The following TELO2 variants were observed in gnomAD, a reference collection of about 807,000 sequenced individuals.
The protein encoded by TELO2 is telomere maintenance 2, also known as telomere length regulation protein TEL2 homolog.
Under a neutral mutation model 91.0 loss-of-function variants are expected in TELO2, and 71 were observed. The observed-to-expected ratio is 0.78, with a 90% CI of 0.64 to 0.95. The LOEUF (loss-of-function observed/expected upper bound fraction) is 0.95. Ranked by LOEUF, TELO2 falls within the 40% of genes least tolerant of loss-of-function variation. The pLI, the probability that TELO2 is intolerant of heterozygous loss-of-function variation, is 0.00. For missense variants in TELO2, 1,183 were observed against 1,141.3 expected (o/e 1.04, Z -0.53); for synonymous variants, 584 against 518.9 (o/e 1.13, Z -1.71).
chr16:1,501,378 T>C (rs2039669724), intron 9 of TELO2, 42 bp from the exon 10 acceptor site: 2 of 1,592,668 alleles, frequency 1.3e-6, no homozygotes, highest in Non-Finnish European at 1.7e-6. Context: ...GGAGGGGCGC[T>C]GCAGCCTGGC....
rs2039391228 is a variant in TELO2, at chr16:1,494,013, TG to T, written c.-36-230del. On this transcript the variant is annotated intron_variant, in intron 1 of 20. Coordinates refer to ENST00000262319, the MANE Select transcript of TELO2 (RefSeq NM_016111.4). The surrounding 1 kb of genome is among the most constrained non-coding windows in gnomAD (Gnocchi z 5.6). ...GGTTGAGACAACTGAGAATGTTCCC[TG>T]GGCACAGTGGCCCGGGTTGAGAAGC... is the stretch of plus-strand genomic sequence containing the variant. Among the ~76,000 whole-genome samples the T allele has an allele frequency of 6.6e-6, 1 of 152,142 alleles. No homozygotes were observed.
chr16:1,501,496 C>T lies in TELO2; in HGVS notation c.1358C>T (p.Ala453Val), dbSNP rs774629694. The T allele has an allele frequency of 8.1e-6, 13 of 1,607,686 alleles. No homozygotes were observed. The Admixed American group carries it at 1.0e-4, about 12-fold the overall frequency. ...CCTGCGGGTGACGGCGCCTCGGAGG[C>T]GGGGTGAGGGTCTCTGCCCCCCGGG... ...PQPAGDGASE[A>V]GTSLVPATAE... is the part of the protein sequence containing the mutation. The change falls in exon 10 of 21, where the codon GCG becomes GTG. Residue 453 changes from alanine to valine, a missense_variant. Transcript: ENST00000262319.
In TELO2 at chr16:1,505,427, C is replaced by G; in HGVS notation, c.1860C>G (p.Ala620=). 1 of 1,611,346 alleles carries G rather than the reference C, an allele frequency of 6.2e-7. No individual in the cohort carries two copies. Among genetic ancestry groups the G allele is most frequent in the African/African-American group, 1.3e-5 (1 of 75,006 alleles). ...MDILDVLTLA[A]QELSRPGCLG... ...CCCTCCAGGTGCTGACTCTGGCTGCCCAGGAGCTGTCTAGGCCTGGGTGCC... is the reference window on the plus strand; with the variant it reads ...CCCTCCAGGTGCTGACTCTGGCTGCGCAGGAGCTGTCTAGGCCTGGGTGCC... Residue 620 remains alanine (A), a synonymous_variant, in exon 16 of 21, where the codon GCC becomes GCG. Coordinates refer to ENST00000262319, the MANE Select transcript of TELO2 (RefSeq NM_016111.4). This position sits in a 1 kb window ranked among gnomAD's most constrained non-coding sequence, Gnocchi z 4.3.
chr16:1,509,261 T>TC (rs1177277608), intron 20 of TELO2, among the ~76,000 whole-genome samples: 6 of 152,024 alleles, frequency 3.9e-5, no homozygotes, highest in Admixed American at 1.3e-4. Context: ...CACAGGCACC[T>TC]CCCACAAGGG....
In TELO2 at chr16:1,507,700, C is replaced by T. The variant is rs764102754; in HGVS notation, c.2391C>T (p.Ala797=). ...ACCTGATGGACGAGCTGCTGGAAGC[C>T]CGGTCCTGGCTGGCGGGTGAGTGTC... ...LEDLMDELLE[A]RSWLADVAEK... is the part of the protein sequence containing the mutation. Residue 797 remains alanine, a synonymous_variant, in exon 20 of 21, where the codon GCC becomes GCT. Coordinates refer to ENST00000262319, the MANE Select transcript of TELO2 (RefSeq NM_016111.4). 2 of 1,603,884 alleles carry T rather than the reference C, an allele frequency of 1.2e-6. No homozygotes were observed. The highest frequency in any genetic ancestry group is 1.1e-5 in the South Asian group (1 of 90,706).
chr16:1,494,124 G>A lies in TELO2; in HGVS notation c.-36-122G>A. The A allele has an allele frequency of 1.5e-6, 1 of 653,484 alleles. No homozygotes were observed. Among genetic ancestry groups the A allele is most frequent in the Non-Finnish European group, 2.6e-6 (1 of 383,918 alleles). The allele number at this position is 653,484 out of a possible 1,614,324, so 40.5% of individuals were successfully genotyped here. ...GCAGGCACTGGAGGGGAAGGAGGCGGGACAGGGTTGGGTGGGACCAGGGTT... is the reference window on the plus strand; with the variant it reads ...GCAGGCACTGGAGGGGAAGGAGGCGAGACAGGGTTGGGTGGGACCAGGGTT... On this transcript the variant is annotated intron_variant, in intron 1 of 20. Coordinates refer to ENST00000262319, the MANE Select transcript of TELO2 (RefSeq NM_016111.4). This position sits in a 1 kb window ranked among gnomAD's most constrained non-coding sequence, Gnocchi z 5.6.
intron 3 of TELO2, among the ~76,000 whole-genome samples, chr16:1,496,006 G>A (rs758129374): frequency 2.3e-4 from 35 of 152,352 alleles, no homozygotes; most frequent in East Asian, 3.9e-4. Context: ...GCCCATGCTC[G>A]CTCTGTTTTC....
chr16:1,508,438 G>A (rs2039988205), intron 20 of TELO2, among the ~76,000 whole-genome samples: 1 of 152,226 alleles, frequency 6.6e-6, no homozygotes, highest in Non-Finnish European at 1.5e-5. Flanking sequence ...GCCAGTCCCA[G>A]CACCTTTTGT....
chr16:1,500,843 G>C (rs956147690), intron 9 of TELO2, 144 bp downstream of exon 9: 1 of 1,374,230 alleles, frequency 7.3e-7, no homozygotes, highest in African/African-American at 1.4e-5. Flanking sequence ...GCTGAGGCTG[G>C]AAGCTGTGGC....
chr16:1,498,954 T>G (rs1201517645), intron 5 of TELO2, among the ~76,000 whole-genome samples: 1 of 152,056 alleles, frequency 6.6e-6, no homozygotes, highest in Non-Finnish European at 1.5e-5. Flanking sequence ...TGGACCCGCC[T>G]CCGCCCGGGC....
chr16:1,505,360 A>T lies in TELO2; in HGVS notation c.1843-50A>T. ...CTTTGGCTGACTTGACTCTTGGGAA[A>T]TGTTCTTCCCTGGAGCAGTGGCGAC... On this transcript the variant is annotated intron_variant, in intron 15 of 20. Transcript: ENST00000262319. This position sits in a 1 kb window ranked among gnomAD's most constrained non-coding sequence, Gnocchi z 4.3. 1 of 1,561,930 alleles carries T rather than the reference A, an allele frequency of 6.4e-7. No individual in the cohort carries two copies. Among genetic ancestry groups the T allele is most frequent in the Non-Finnish European group, 8.7e-7 (1 of 1,149,378 alleles).
chr16:1,505,299 C>G lies in TELO2; in HGVS notation c.1843-111C>G, dbSNP rs1295703321. 2 of 1,301,924 alleles carry G rather than the reference C, an allele frequency of 1.5e-6. No homozygotes were observed. The highest frequency in any genetic ancestry group is 3.0e-5 in the African/African-American group (2 of 67,424). 80.6% of individuals were successfully genotyped at this position (1,301,924 alleles called of 1,614,324 possible). A position where few individuals can be genotyped will look rare whatever the true frequency, so the allele number is the denominator to read the frequency against. On this transcript the variant is annotated intron_variant, in intron 15 of 20. Transcript: ENST00000262319. The surrounding 1 kb of genome is among the most constrained non-coding windows in gnomAD (Gnocchi z 4.3). ...TCCTTGTTCCCAGAACACACCTTCT[C>G]CCAGGCTGGGCGGGCCCCCGGGCCC...
rs2141085398 is a variant in TELO2, at chr16:1,510,313, G to C, written c.*377G>C. On this transcript the variant is annotated 3_prime_UTR_variant, in exon 21 of 21. Coordinates refer to ENST00000262319, the MANE Select transcript of TELO2 (RefSeq NM_016111.4). ...CACCAAGCAGGACAGAGCAGCTCTT[G>C]TCCCAGGTCCCTCGGGCTGAGCGCC... 3.6e-6 allele frequency: 1 copy of C among 276,618 alleles called. No individual in the cohort carries two copies. The highest frequency in any genetic ancestry group is 9.7e-5 in the East Asian group (1 of 10,270). The allele number at this position is 276,618 out of a possible 1,614,324, so 17.1% of individuals were successfully genotyped here.
rs1363144318 is a variant in TELO2, at chr16:1,500,650, A to C, written c.1232A>C (p.Glu411Ala). 6.2e-7 allele frequency: 1 copy of C among 1,612,540 alleles called. No individual in the cohort carries two copies. Among genetic ancestry groups the C allele is most frequent in the East Asian group, 2.2e-5 (1 of 44,864 alleles). The change falls in exon 9 of 21, where the codon GAG becomes GCG. Residue 411 changes from glutamate to alanine, a missense_variant. Physicochemically the swap from Glu to Ala is moderately radical, Grantham distance 107. Coordinates refer to ENST00000262319, the MANE Select transcript of TELO2 (RefSeq NM_016111.4). Reference protein sequence around the residue: ...PVRRLGMIVAEVVSARIHPEG... With the variant: ...PVRRLGMIVAAVVSARIHPEG... ...CGACGCCTGGGCATGATCGTGGCAG[A>C]GGTCGTTAGTGCCCGGATCCACCCC... is the stretch of plus-strand genomic sequence containing the variant.
chr16:1,498,934 C>A lies in TELO2; in HGVS notation c.831-297C>A, dbSNP rs911482986. Among the ~76,000 whole-genome samples the A allele has an allele frequency of 1.3e-5, 2 of 152,226 alleles. 1 individual carries two copies. Among genetic ancestry groups the A allele is most frequent in the Non-Finnish European group, 2.9e-5 (2 of 68,040 alleles). ...ATTTTTTTGGCACTGTCAAAGGAGGCCTTCGAGGGTGGACCCGCCTCCGCC... is the reference window on the plus strand; with the variant it reads ...ATTTTTTTGGCACTGTCAAAGGAGGACTTCGAGGGTGGACCCGCCTCCGCC... On this transcript the variant is annotated intron_variant, in intron 5 of 20. Transcript: ENST00000262319.
chr16:1,507,758 C>A, intron 20 of TELO2, 42 bp downstream of exon 20: 1 of 1,418,878 alleles, frequency 7.0e-7, no homozygotes, highest in Non-Finnish European at 9.3e-7. Context: ...TGTGTGTCGG[C>A]CCGGGGTGTG....
Position 1,506,971 on chromosome 16 carries a change from C to G in TELO2, c.2146C>G (p.Leu716Val). Residue 716 changes from leucine (L) to valine (V), a missense_variant, in exon 18 of 21, where the codon CTC becomes GTC. Physicochemically the swap from Leu to Val is conservative, Grantham distance 32 (BLOSUM62 1). Coordinates refer to ENST00000262319, the MANE Select transcript of TELO2 (RefSeq NM_016111.4). ...CTCTAGGCCTCTGGTGACCTTCGAC[C>G]TCTTGGGAGAAGACCAGCTGGTTCT... is the stretch of plus-strand genomic sequence containing the variant. ...RFDRPLVTFDLLGEDQLVLGR... is the reference protein window; with the variant it reads ...RFDRPLVTFDVLGEDQLVLGR... The G allele has an allele frequency of 6.2e-7, 1 of 1,611,388 alleles. No individual in the cohort carries two copies. Among genetic ancestry groups the G allele is most frequent in the Non-Finnish European group, 8.5e-7 (1 of 1,178,890 alleles).
At chr16:1,499,936 G>A (rs2039616629) in intron 6 of TELO2, among the ~76,000 whole-genome samples, 160 bp from the exon 7 acceptor site, 1 of 152,238 alleles carries the variant, frequency 6.6e-6, no homozygotes, top group Non-Finnish European at 1.5e-5. Flanking sequence ...CTGCGGGAGG[G>A]GAGGGGTCCC....
chr16:1,503,026 C>T, intron 15 of TELO2, 24 bp downstream of exon 15: 2 of 1,607,142 alleles, frequency 1.2e-6, no homozygotes, highest in Non-Finnish European at 1.7e-6. Flanking sequence ...GGGCCTCAGT[C>T]CCCCTGGTCT....
Sources: gnomAD v4.1 joint callset for allele counts (sites outside exome capture counted in the v4.1 genomes callset) on GRCh38, gnomAD v4.1.1 for gene constraint, Gnocchi (gnomAD v3.1) non-coding constraint, MANE v1.5 for transcripts, NCBI Gene and HGNC (gene_info 2026-07-23, HGNC 2026-07-21) for gene names.